GPHN: variants seen among roughly 807,000 people sequenced by gnomAD.
The protein encoded by GPHN is gephyrin.
Under a neutral mutation model 95.5 loss-of-function variants are expected in GPHN, and 17 were observed. The ratio of observed to expected loss-of-function variants is 0.18; its 90% CI spans 0.12 to 0.27. The LOEUF (loss-of-function observed/expected upper bound fraction) is 0.27. Ranked by LOEUF, GPHN falls within the 10% of genes least tolerant of loss-of-function variation. The pLI, the probability that GPHN is intolerant of heterozygous loss-of-function variation, is 1.00. For missense variants in GPHN, 660 were observed against 978.1 expected, an observed-to-expected ratio of 0.67 and a Z score of 4.34; for synonymous variants, 320 against 322.5, an observed-to-expected ratio of 0.99 and a Z score of 0.08.
rs1356468414 is a variant in GPHN, at chr14:66,587,870, A to C, written c.64+79279A>C. Among the ~76,000 whole-genome samples, 12 of 152,272 alleles carry C rather than the reference A, an allele frequency of 7.9e-5. No individual in the cohort carries two copies. In the East Asian group the frequency reaches 2.3e-3, roughly 29 times the overall value. On this transcript the variant is annotated intron_variant, in intron 1 of 22. Transcript: ENST00000478722. The stretch of plus-strand genomic sequence containing the variant: ...TGAAGAGAGCAGCAGATCCCCCAGC[A>C]CAGCATTCGAGCTCTGCTAAGGGAT...
chr14:66,887,319 G>A (rs771194353), intron 5 of GPHN, among the ~76,000 whole-genome samples: 1 of 152,206 alleles, frequency 6.6e-6, no homozygotes, highest in Non-Finnish European at 1.5e-5. Context: ...GCCAGGCATG[G>A]TGGCTCACAC....
chr14:66,806,211 T>C (rs1258161265), intron 3 of GPHN, among the ~76,000 whole-genome samples: 1 of 152,200 alleles, frequency 6.6e-6, no homozygotes, highest in Non-Finnish European at 1.5e-5. Flanking sequence ...CAGCCACTGC[T>C]GGAGCGGCTA....
intron 1 of GPHN, among the ~76,000 whole-genome samples, chr14:66,652,051 A>G (rs573360802): frequency 1.3e-5 from 2 of 152,202 alleles, no homozygotes; most frequent in South Asian, 4.2e-4. Flanking sequence ...CTGGCGCCAA[A>G]AAGGTTGGGG....
intron 12 of GPHN, 135 bp downstream of exon 12, chr14:67,089,210 A>G: frequency 3.5e-6 from 2 of 565,470 alleles, no homozygotes; most frequent in Admixed American, 3.3e-5. Flanking sequence ...TTGTTTCCCC[A>G]TGACTGTCAA....
At chr14:66,916,873 T>A (rs1007514525) in intron 6 of GPHN, among the ~76,000 whole-genome samples, 5 of 152,206 alleles carry the variant, frequency 3.3e-5, no homozygotes, top group African/African-American at 1.2e-4. Context: ...AGCAACACAG[T>A]CATGTTTGTC....
intron 8 of GPHN, among the ~76,000 whole-genome samples, chr14:66,961,815 AGATGTATAGATTG>A (rs2153585184): frequency 6.7e-6 from 1 of 149,370 alleles, no homozygotes; most frequent in East Asian, 1.9e-4. Flanking sequence ...CTTTGTGGAC[AGATGTATAGATTG>A]GCTTAACCAA....
intron 8 of GPHN, among the ~76,000 whole-genome samples, chr14:66,936,076 T>C (rs1167721705): frequency 2.0e-5 from 3 of 152,034 alleles, no homozygotes; most frequent in Admixed American, 1.3e-4. Context: ...TTATAAACTC[T>C]CCTCAAAAAT....
the GPHN span, chr14:67,204,568 G>A: frequency 1.2e-6 from 2 of 1,613,530 alleles, no homozygotes; most frequent in South Asian, 1.1e-5. Flanking sequence ...GACTCTTTCT[G>A]TGCATGATGC....
the GPHN span, among the ~76,000 whole-genome samples, chr14:67,668,948 C>T: frequency 2.0e-5 from 3 of 151,492 alleles, no homozygotes; most frequent in Admixed American, 6.6e-5. Flanking sequence ...AAAATAAGTA[C>T]TCTGGAAAAA....
chr14:67,036,519 A>ACG, intron 10 of GPHN, among the ~76,000 whole-genome samples: 1 of 150,722 alleles, frequency 6.6e-6, no homozygotes, highest in African/African-American at 2.4e-5. Context: ...ACACACACAC[A>ACG]CACACACACA....
chr14:66,835,866 C>A (rs2061782010), intron 4 of GPHN, among the ~76,000 whole-genome samples: 1 of 151,542 alleles, frequency 6.6e-6, no homozygotes, highest in Admixed American at 6.6e-5. Context: ...AATAAAATAC[C>A]TAGGAATCCA....
At chr14:67,245,909 A>G in the GPHN span, among the ~76,000 whole-genome samples, 2 of 151,814 alleles carry the variant, frequency 1.3e-5, no homozygotes, top group African/African-American at 2.4e-5. Flanking sequence ...TTTTAGATCT[A>G]TGTTCCATTT....
the GPHN span, among the ~76,000 whole-genome samples, chr14:67,637,854 A>G: frequency 2.0e-5 from 3 of 152,258 alleles, no homozygotes; most frequent in African/African-American, 7.2e-5. Context: ...ATCCATTCGC[A>G]TTCTGTTCTG....
the GPHN span, among the ~76,000 whole-genome samples, chr14:67,508,135 C>CAAAAAAAAAAAAAAAAAAAAAAAA: frequency 3.8e-5 from 5 of 130,618 alleles, no homozygotes; most frequent in African/African-American, 1.5e-4. Context: ...AACTCCATCT[C>CAAAAAAAAAAAAAAAAAAAAAAAA]AAAAAAAAAA....
chr14:67,554,802 G>A, the GPHN span, among the ~76,000 whole-genome samples: 31 of 152,182 alleles, frequency 2.0e-4, no homozygotes, highest in Non-Finnish European at 3.2e-4. Context: ...GAGCCTCCAC[G>A]TACAAGAACT....
At chr14:66,560,884 T>C (rs184797350) in intron 1 of GPHN, among the ~76,000 whole-genome samples, 1 of 152,324 alleles carries the variant, frequency 6.6e-6, no homozygotes, top group Non-Finnish European at 1.5e-5. Flanking sequence ...GGGTTTGTCA[T>C]AGATAGCTCT....
At chr14:66,547,643 G>T (rs2059650289) in intron 1 of GPHN, among the ~76,000 whole-genome samples, 1 of 152,158 alleles carries the variant, frequency 6.6e-6, no homozygotes, top group Admixed American at 6.5e-5. Flanking sequence ...GCTCGGTGTG[G>T]TGATATATCC....
the GPHN span, chr14:67,589,263 T>A: frequency 2.5e-6 from 2 of 796,394 alleles, no homozygotes; most frequent in Non-Finnish European, 1.5e-6. Context: ...TCAGGAACCC[T>A]TTAGTTTATT....
intron 17 of GPHN, among the ~76,000 whole-genome samples, chr14:67,124,623 A>G (rs1042294908): frequency 3.9e-5 from 6 of 152,208 alleles, no homozygotes; most frequent in African/African-American, 7.2e-5. Flanking sequence ...TAAGGCAAGC[A>G]GGCTTGAAAC....
Sources: allele counts gnomAD v4.1 joint callset (sites outside exome capture counted in the v4.1 genomes callset), GRCh38; gene constraint gnomAD v4.1.1; transcripts MANE v1.5; gene names NCBI Gene and HGNC (gene_info 2026-07-23, HGNC 2026-07-21).